Variants in CLIP1 observed in about 807,000 individuals in gnomAD.
CLIP1 encodes CAP-Gly domain-containing linker protein 1.
CLIP1 carries 66 observed loss-of-function variants against 161.6 expected under a neutral mutation model. The observed-to-expected ratio is 0.41, with a 90% CI of 0.33 to 0.50. CLIP1 has a LOEUF of 0.50. CLIP1 is among the 20% of genes least tolerant of loss of function. The probability of loss-of-function intolerance (pLI) is 0.27; values close to 1 mark genes in which losing one functional copy is unlikely to be tolerated. For missense variants in CLIP1, 1,376 were observed against 1,702.0 expected (o/e 0.81, Z 3.37); for synonymous variants, 598 against 626.2 (o/e 0.96, Z 0.67).
intron 14 of CLIP1, among the ~76,000 whole-genome samples, chr12:122,333,374 A>G (rs1952075714): frequency 6.6e-6 from 1 of 152,192 alleles, no homozygotes; most frequent in South Asian, 2.1e-4. Flanking sequence ...GCTGGGAAGG[A>G]GGTTAGAATC....
chr12:122,392,906 C>G (rs771969248), intron 1 of CLIP1, among the ~76,000 whole-genome samples: 1 of 151,890 alleles, frequency 6.6e-6, no homozygotes, highest in Non-Finnish European at 1.5e-5. Flanking sequence ...CTCAGCCTCC[C>G]GAGTAACTGG....
chr12:122,409,195 A>G (rs372621823), intron 1 of CLIP1, among the ~76,000 whole-genome samples: 1 of 151,640 alleles, frequency 6.6e-6, no homozygotes, highest in South Asian at 2.1e-4. Flanking sequence ...GCATGATCTC[A>G]GTTCACTGCA....
In CLIP1 at chr12:122,340,746, T is replaced by C; in HGVS notation, c.2451+7A>G. ...AAAAGAAAAGAATGGAGGATGTCAATACAAACCTTGCTACTTTCAGCATTC... is the reference window on the plus strand; with the variant it reads ...AAAAGAAAAGAATGGAGGATGTCAACACAAACCTTGCTACTTTCAGCATTC... On this transcript the variant is annotated splice_region_variant and intron_variant, in intron 11 of 25. Coordinates refer to ENST00000620786, the MANE Select transcript of CLIP1 (RefSeq NM_001247997.2). The C allele has an allele frequency of 2.6e-6, 4 of 1,559,008 alleles. No homozygotes were observed. Among genetic ancestry groups the C allele is most frequent in the Non-Finnish European group, 3.5e-6 (4 of 1,153,132 alleles).
At chr12:122,302,419 T>C (rs1253818012) in intron 20 of CLIP1, among the ~76,000 whole-genome samples, 1 of 152,154 alleles carries the variant, frequency 6.6e-6, no homozygotes, top group Non-Finnish European at 1.5e-5. Context: ...TTCTGTATTG[T>C]TGAATTTCAG....
chr12:122,336,796 AC>A, intron 11 of CLIP1, 48 bp from the exon 12 acceptor site: 1 of 806,268 alleles, frequency 1.2e-6, no homozygotes, highest in Non-Finnish European at 1.9e-6. Context: ...CAAAAGGAAA[AC>A]AAAAGAGAAT....
chr12:122,380,598 G>T, intron 1 of CLIP1, 40 bp from the exon 2 acceptor site: 1 of 488,920 alleles, frequency 2.0e-6, no homozygotes, highest in Non-Finnish European at 3.6e-6. Context: ...ATAATCTACA[G>T]GAGCAAGTAG....
chr12:122,384,965 G>T (rs750794642), intron 1 of CLIP1, among the ~76,000 whole-genome samples: 4 of 143,206 alleles, frequency 2.8e-5, no homozygotes, highest in African/African-American at 1.1e-4. Flanking sequence ...AGACAGTCTC[G>T]CTCTGTCGCC....
chr12:122,285,057 C>T (rs951673312), intron 21 of CLIP1, among the ~76,000 whole-genome samples: 1 of 151,880 alleles, frequency 6.6e-6, no homozygotes, highest in Non-Finnish European at 1.5e-5. Flanking sequence ...CTCAAGTGAT[C>T]CTCTCACCTC....
intron 20 of CLIP1, among the ~76,000 whole-genome samples, chr12:122,307,060 A>G (rs1257211225): frequency 3.3e-5 from 4 of 120,738 alleles, no homozygotes; most frequent in African/African-American, 1.3e-4. Flanking sequence ...CCCAGGCTGG[A>G]GTGCAGTGGC....
rs3741447 is a variant in CLIP1, at chr12:122,340,866, G to A, written c.2338C>T (p.Arg780Trp). The A allele has an allele frequency of 3.3e-4, 536 of 1,614,088 alleles. 8 individuals are homozygous for A. In the East Asian group the frequency reaches 9.2e-3, roughly 28 times the overall value. The change falls in exon 11 of 26, where the codon CGG (arginine) becomes TGG (tryptophan). Residue 780 changes from arginine to tryptophan, a missense_variant. Transcript: ENST00000620786. ...GATTTACCTTCGGAACTGGCTTTCC[G>A]AAGTGCATCAAGATCCAAGAGCTTT... ...EEKLLDLDALRKASSEGKSEM... is the reference protein window; with the variant it reads ...EEKLLDLDALWKASSEGKSEM...
chr12:122,312,978 A>G (rs936037025), intron 19 of CLIP1, among the ~76,000 whole-genome samples: 1 of 152,138 alleles, frequency 6.6e-6, no homozygotes, highest in African/African-American at 2.4e-5. Flanking sequence ...TTGTTTTGAG[A>G]AGCACTGTTC....
At chr12:122,294,570 C>G (rs1356849409) in intron 20 of CLIP1, among the ~76,000 whole-genome samples, 1 of 151,776 alleles carries the variant, frequency 6.6e-6, no homozygotes, top group South Asian at 2.1e-4. Context: ...CGAGACCAGC[C>G]TGGGTAACAT....
chr12:122,390,179 A>ATATAT (rs1555280517), intron 1 of CLIP1, among the ~76,000 whole-genome samples: 2 of 118,224 alleles, frequency 1.7e-5, no homozygotes, highest in African/African-American at 4.4e-5. Flanking sequence ...TCAGATATAT[A>ATATAT]TATATATATA....
intron 1 of CLIP1, among the ~76,000 whole-genome samples, chr12:122,402,388 G>C (rs1008715667): frequency 7.9e-5 from 12 of 152,006 alleles, no homozygotes; most frequent in Admixed American, 2.0e-4. Context: ...TCCAGAGGCA[G>C]AGATGGGACG....
intron 5 of CLIP1, among the ~76,000 whole-genome samples, chr12:122,360,299 G>A (rs1257395166): frequency 1.3e-5 from 2 of 151,548 alleles, no homozygotes; most frequent in Non-Finnish European, 2.9e-5. Context: ...GAGGCTGGGA[G>A]CAGTGGCTCA....
intron 24 of CLIP1, chr12:122,276,468 A>G: frequency 7.8e-7 from 1 of 1,289,266 alleles, no homozygotes; most frequent in Admixed American, 2.3e-5. Flanking sequence ...AAGTGTTGTC[A>G]GCAGCAGATG....
intron 14 of CLIP1, among the ~76,000 whole-genome samples, chr12:122,333,438 G>A (rs1208420257): frequency 1.3e-5 from 2 of 152,220 alleles, no homozygotes; most frequent in African/African-American, 4.8e-5. Context: ...TGAAGGAAGT[G>A]AGGGAATGGG....
At chr12:122,315,665 G>C (rs1338089462) in intron 19 of CLIP1, among the ~76,000 whole-genome samples, 1 of 66,334 alleles carries the variant, frequency 1.5e-5, no homozygotes, top group Admixed American at 1.6e-4. Flanking sequence ...TTTTGAGATG[G>C]AGTCTCGCTC....
chr12:122,328,422 C>A lies in CLIP1; in HGVS notation c.2872G>T (p.Val958Leu), dbSNP rs148972936. The A allele has an allele frequency of 1.5e-4, 229 of 1,574,188 alleles. No homozygotes were observed. The highest frequency in any genetic ancestry group is 1.8e-4 in the Non-Finnish European group (213 of 1,164,070). The change falls in exon 16 of 26, where the codon GTA becomes TTA. Residue 958 changes from valine to leucine, a missense_variant. Val to Leu is a conservative substitution (Grantham distance 32, BLOSUM62 1). Coordinates refer to ENST00000620786, the MANE Select transcript of CLIP1 (RefSeq NM_001247997.2). The part of the protein sequence containing the change: ...NDELRLKERD[V>L]EELQLKLTKA... ...GTAAGTTTTAGCTGTAATTCTTCTA[C>A]ATCTCTAGAAAAAGTTTCAATATAA... is the stretch of plus-strand genomic sequence containing the variant.
Sources: gnomAD v4.1 joint callset for allele counts (sites outside exome capture counted in the v4.1 genomes callset) on GRCh38, gnomAD v4.1.1 for gene constraint, MANE v1.5 for transcripts, NCBI Gene and HGNC (gene_info 2026-07-23, HGNC 2026-07-21) for gene names.